The following PUM2 variants were observed in gnomAD, a reference collection of about 807,000 sequenced individuals.
PUM2 encodes pumilio RNA binding family member 2, also known as pumilio homolog 2.
In PUM2, 57 loss-of-function variants were observed where a neutral mutation model predicts 124.5. The ratio of observed to expected loss-of-function variants is 0.46; its 90% CI spans 0.37 to 0.57. PUM2 has a LOEUF of 0.57. Among genes scored for constraint, PUM2 ranks in the 20% least tolerant of loss-of-function variants. The pLI is 0.00. For missense variants in PUM2, 1,065 were observed against 1,290.6 expected (o/e 0.83, Z 2.68); for synonymous variants, 460 against 446.1 (o/e 1.03, Z -0.39).
At chr2:20,288,731 T>G (rs1236660909) in intron 10 of PUM2, among the ~76,000 whole-genome samples, 3 of 152,214 alleles carry the variant, frequency 2.0e-5, no homozygotes, top group African/African-American at 7.2e-5. Context: ...AAGTGAGCCC[T>G]TTTTAGTATA....
intron 1 of PUM2, among the ~76,000 whole-genome samples, chr2:20,340,019 C>T (rs1686920794): frequency 6.6e-6 from 1 of 150,842 alleles, no homozygotes. Context: ...CTAAATCATA[C>T]ATTTAATTTA....
intron 12 of PUM2, among the ~76,000 whole-genome samples, chr2:20,281,346 A>G (rs1186373946): frequency 6.6e-6 from 1 of 152,144 alleles, no homozygotes; most frequent in East Asian, 1.9e-4. Context: ...AATTCCTGAA[A>G]GGGGGAAAAC....
At chr2:20,251,975 A>T (rs1410844850) in intron 20 of PUM2, among the ~76,000 whole-genome samples, 1 of 152,228 alleles carries the variant, frequency 6.6e-6, no homozygotes, top group East Asian at 1.9e-4. Context: ...ACATAGCAAG[A>T]AAGTTACCCA....
At chr2:20,348,428 G>A (rs1688664988) in intron 1 of PUM2, among the ~76,000 whole-genome samples, 1 of 152,118 alleles carries the variant, frequency 6.6e-6, no homozygotes, top group Non-Finnish European at 1.5e-5. Flanking sequence ...AAGTTAGGAC[G>A]TATGTAGAAC....
chr2:20,343,135 T>TA (rs35992339), intron 1 of PUM2, among the ~76,000 whole-genome samples: 48,272 of 151,510 alleles, frequency 0.32, 8,509 homozygotes, highest in East Asian at 0.74. Flanking sequence ...AGTCTGTGTT[T>TA]AAAAAAAAAT....
At chr2:20,329,901 G>A (rs1266706957) in intron 1 of PUM2, among the ~76,000 whole-genome samples, 1 of 151,920 alleles carries the variant, frequency 6.6e-6, no homozygotes, top group Non-Finnish European at 1.5e-5. Context: ...TGAACAGGAT[G>A]GTAAAAATAT....
intron 1 of PUM2, among the ~76,000 whole-genome samples, chr2:20,330,463 G>C (rs1684675772): frequency 6.6e-6 from 1 of 152,114 alleles, no homozygotes; most frequent in African/African-American, 2.4e-5. Flanking sequence ...TGAAAACTTA[G>C]TTGATCACGA....
intron 1 of PUM2, among the ~76,000 whole-genome samples, chr2:20,339,581 A>C (rs1686825280): frequency 6.6e-6 from 1 of 152,186 alleles, no homozygotes; most frequent in Non-Finnish European, 1.5e-5. Flanking sequence ...TCTGATTTAA[A>C]AGAAAAAAGA....
chr2:20,278,616 A>G lies in PUM2; in HGVS notation c.1924T>C (p.Ser642Pro). The G allele has an allele frequency of 6.2e-7, 1 of 1,613,346 alleles. No homozygotes were observed. The highest frequency in any genetic ancestry group is 8.5e-7 in the Non-Finnish European group (1 of 1,179,464). The stretch of plus-strand genomic sequence containing the variant: ...AAACTGGATGAGGATCCATGTGATG[A>G]AAGTGATGGCGGTGGCGTAAGTGAA... ...GHSLTPPPSL[S>P]SHGSSSSLHL... Residue 642 changes from serine (S) to proline (P), a missense_variant, in exon 13 of 21, where the codon TCA becomes CCA. Ser to Pro is a moderately conservative substitution (Grantham distance 74, BLOSUM62 -1). This residue lies in a region of PUM2 where 968 missense variants were observed against 1,159.8 expected (regional missense o/e 0.83). Transcript: ENST00000361078.
At position 20,250,495 on chromosome 2, in the gene PUM2, CA is replaced by C. The variant is rs1663052050; in HGVS notation, c.*1089del. The C allele has an allele frequency of 6.6e-6, 1 of 152,412 alleles. No homozygotes were observed. Among genetic ancestry groups the C allele is most frequent in the Non-Finnish European group, 1.5e-5 (1 of 67,994 alleles). 9.4% of individuals were successfully genotyped at this position (152,412 alleles called of 1,614,324 possible). On this transcript the variant is annotated 3_prime_UTR_variant, in exon 21 of 21. Transcript: ENST00000361078. Reference sequence around the variant, plus strand: ...AAGGAAAGCATCACTACTAAATTAGCAAGGCTTTTATAATAAACATTGAAAC... The same window carrying C: ...AAGGAAAGCATCACTACTAAATTAGCAGGCTTTTATAATAAACATTGAAAC...
chr2:20,347,761 G>A (rs1030558378), intron 1 of PUM2, among the ~76,000 whole-genome samples: 1 of 152,130 alleles, frequency 6.6e-6, no homozygotes, highest in Non-Finnish European at 1.5e-5. Flanking sequence ...TAGGCCAAGT[G>A]GGCTTCCAAA....
At chr2:20,277,215 G>C (rs1456912690) in intron 13 of PUM2, among the ~76,000 whole-genome samples, 1 of 152,080 alleles carries the variant, frequency 6.6e-6, no homozygotes, top group Non-Finnish European at 1.5e-5. Flanking sequence ...ATTATGATAA[G>C]TCTTAGATTT....
chr2:20,264,035 T>G (rs1035131003), intron 13 of PUM2, among the ~76,000 whole-genome samples: 7 of 151,976 alleles, frequency 4.6e-5, no homozygotes, highest in African/African-American at 1.5e-4. Flanking sequence ...TTTAAAATTT[T>G]TATTTAAAAT....
chr2:20,342,401 A>C (rs1197131890), intron 1 of PUM2, among the ~76,000 whole-genome samples: 2 of 152,182 alleles, frequency 1.3e-5, no homozygotes, highest in Non-Finnish European at 2.9e-5. Flanking sequence ...GTACATGTTC[A>C]ATCTTTCCTT....
chr2:20,270,418 C>T (rs180821837), intron 13 of PUM2, among the ~76,000 whole-genome samples: 64 of 152,246 alleles, frequency 4.2e-4, no homozygotes, highest in Non-Finnish European at 8.4e-4. Context: ...TTAAAGCTTG[C>T]TTCAAAAGCT....
At chr2:20,258,402 G>A (rs1031129983) in intron 15 of PUM2, 31 bp from the exon 16 acceptor site, 2 of 1,604,388 alleles carry the variant, frequency 1.2e-6, no homozygotes, top group Non-Finnish European at 1.7e-6. Flanking sequence ...TTAATAACAA[G>A]TGACCTTAAT....
At chr2:20,349,978 CA>C (rs1688984554) in intron 1 of PUM2, among the ~76,000 whole-genome samples, 2 of 152,234 alleles carry the variant, frequency 1.3e-5, no homozygotes, top group South Asian at 4.1e-4. Context: ...TGACCCAATT[CA>C]GATACAAAAC....
chr2:20,289,666 CAGAG>C (rs980504065), intron 10 of PUM2, among the ~76,000 whole-genome samples: 1 of 152,116 alleles, frequency 6.6e-6, no homozygotes, highest in African/African-American at 2.4e-5. Context: ...CTTAAAATTC[CAGAG>C]AGAAAGAATA....
In PUM2 at chr2:20,263,871, A is replaced by G. The variant is rs374960415; in HGVS notation, c.1958-411T>C. Among the ~76,000 whole-genome samples, 51 of 152,272 alleles carry G rather than the reference A, an allele frequency of 3.3e-4. No individual in the cohort carries two copies. In the South Asian group the frequency reaches 9.7e-3, roughly 29 times the overall value. On this transcript the variant is annotated intron_variant, in intron 13 of 20. Coordinates refer to ENST00000361078, the MANE Select transcript of PUM2 (RefSeq NM_015317.5). ...GAAATTCATTAGCATTATTAACACA[A>G]TAACATTGAATGTTAAATCTCTAGT...
Sources: gnomAD v4.1 joint callset for allele counts (sites outside exome capture counted in the v4.1 genomes callset) on GRCh38, gnomAD v4.1.1 for gene constraint, gnomAD v4.1.1 regional missense constraint, MANE v1.5 for transcripts, NCBI Gene and HGNC (gene_info 2026-07-23, HGNC 2026-07-21) for gene names.